The following WNK1 variants were observed in gnomAD, a reference collection of about 807,000 sequenced individuals.
WNK1 encodes WNK lysine deficient protein kinase 1.
Under a neutral mutation model 222.8 loss-of-function variants are expected in WNK1, and 38 were observed. The ratio of observed to expected loss-of-function variants is 0.17; its 90% CI spans 0.13 to 0.22. The LOEUF (loss-of-function observed/expected upper bound fraction) is 0.22. Ranked by LOEUF, WNK1 falls within the 10% of genes least tolerant of loss-of-function variation. The probability of loss-of-function intolerance (pLI) is 1.00; values close to 1 mark genes in which losing one functional copy is unlikely to be tolerated. For missense variants in WNK1, 2,348 were observed against 2,918.4 expected (o/e 0.80, Z 4.50); for synonymous variants, 1,090 against 1,092.9 (o/e 1.00, Z 0.05).
At chr12:805,253 AT>A (rs1331817497) in intron 1 of WNK1, among the ~76,000 whole-genome samples, 1 of 151,994 alleles carries the variant, frequency 6.6e-6, no homozygotes, top group African/African-American at 2.4e-5. Flanking sequence ...GTGCACGAGG[AT>A]TTCACTTTGT....
intron 26 of WNK1, chr12:901,769 C>A: frequency 2.5e-6 from 1 of 399,880 alleles, no homozygotes; most frequent in Non-Finnish European, 4.1e-6. Context: ...AGTGGCTTGG[C>A]TGAATTACTG....
rs71051382 is a variant in WNK1 at position 767,234 on chromosome 12, G to GTTTTTTTTTTTT, written c.759+12934_759+12945dup. Among the ~76,000 whole-genome samples the GTTTTTTTTTTTT allele has an allele frequency of 2.1e-4, 15 of 70,890 alleles. 1 individual carries two copies. The highest frequency in any genetic ancestry group is 8.2e-4 in the African/African-American group (13 of 15,768). 46.5% of individuals were successfully genotyped at this position (70,890 alleles called of 152,430 possible). On this transcript the variant is annotated intron_variant, in intron 1 of 27. Transcript: ENST00000315939. ...TGTGGCAGACTTTCTGGGTTGATAG[G>GTTTTTTTTTTTT]TTTTTTTTTTTTTTTTTTTTTTTTT...
intron 1 of WNK1, among the ~76,000 whole-genome samples, chr12:758,510 C>A (rs1940548087): frequency 7.0e-6 from 1 of 142,834 alleles, no homozygotes; most frequent in African/African-American, 2.5e-5. Context: ...GCCTCAGCCT[C>A]CCGAGTAGCT....
intron 6 of WNK1, among the ~76,000 whole-genome samples, chr12:860,684 T>C (rs72648677): frequency 1.3e-5 from 2 of 152,170 alleles, no homozygotes; most frequent in African/African-American, 4.8e-5. Context: ...GGAAATACAG[T>C]GAATAGAACA....
At chr12:760,580 A>G (rs1159042393) in intron 1 of WNK1, among the ~76,000 whole-genome samples, 2 of 147,806 alleles carry the variant, frequency 1.4e-5, no homozygotes, top group African/African-American at 4.9e-5. Flanking sequence ...ATTGTCACCT[A>G]TTACAAATGG....
intron 3 of WNK1, 178 bp from the exon 4 acceptor site, chr12:829,825 A>T: frequency 1.6e-6 from 1 of 638,964 alleles, no homozygotes. Context: ...ATCTTTTATG[A>T]GATATTTGAT....
Position 893,521 on chromosome 12 carries a change from C to A in WNK1, c.5510-1041C>A, listed in dbSNP as rs1446497872. On this transcript the variant is annotated intron_variant, in intron 22 of 27. Transcript: ENST00000315939. ...TTCCCCGGAAAGGTTTTTAAATTGC[C>A]CAAAACTAAATAATTCTGAGGGCTG... Among the ~76,000 whole-genome samples the A allele has an allele frequency of 2.0e-5, 3 of 151,996 alleles. No individual in the cohort carries two copies. In the East Asian group the frequency reaches 5.8e-4, roughly 29 times the overall value.
chr12:829,643 A>G (rs1198378142), intron 3 of WNK1, among the ~76,000 whole-genome samples: 2 of 152,182 alleles, frequency 1.3e-5, no homozygotes, highest in African/African-American at 4.8e-5. Context: ...TGTTCCTTGC[A>G]TAGTGTCTTT....
chr12:868,065 T>C lies in WNK1; in HGVS notation c.2140-3200T>C, dbSNP rs779851647. The C allele has an allele frequency of 1.9e-6, 3 of 1,614,022 alleles. No individual in the cohort carries two copies. The highest frequency in any genetic ancestry group is 2.5e-6 in the Non-Finnish European group (3 of 1,179,880). ...CACTTCCAACCCCTGCTGAGGACTG[T>C]TGGCCAAAGTCTTCTTCCACCTGGT... On this transcript the variant is annotated intron_variant, in intron 8 of 27. Transcript: ENST00000315939.
At chr12:889,650 C>G (rs1954014964) in intron 21 of WNK1, among the ~76,000 whole-genome samples, 7 of 152,044 alleles carry the variant, frequency 4.6e-5, no homozygotes, top group Admixed American at 4.6e-4. Flanking sequence ...AACCCCATCT[C>G]TAGTAAAAAT....
chr12:801,242 G>T (rs1386530758), intron 1 of WNK1, among the ~76,000 whole-genome samples: 1 of 152,206 alleles, frequency 6.6e-6, no homozygotes, highest in Non-Finnish European at 1.5e-5. Context: ...CTTCTTGAAT[G>T]ATATTAATGA....
In WNK1 at chr12:908,933, TA is replaced by T. The variant is rs1955919335; in HGVS notation, c.*142del. 1.1e-6 allele frequency: 1 copy of T among 948,892 alleles called. No individual in the cohort carries two copies. Among genetic ancestry groups the T allele is most frequent in the Non-Finnish European group, 1.6e-6 (1 of 623,158 alleles). The allele number at this position is 948,892 out of a possible 1,614,324, so 58.8% of individuals were successfully genotyped here. On this transcript the variant is annotated 3_prime_UTR_variant, in exon 28 of 28. Transcript: ENST00000315939. ...TCTTGCCAGAGGGGAATGTTTTTAA[TA>T]CTGCATTGAGCCCTCAGAATGGAGA...
In WNK1 at chr12:897,656, G is replaced by A; in HGVS notation, c.6423G>A (p.Leu2141=). The change falls in exon 25 of 28, where the codon TTG becomes TTA. Residue 2141 remains leucine (L), a synonymous_variant. Coordinates refer to ENST00000315939, the MANE Select transcript of WNK1 (RefSeq NM_018979.4). ...KGSKSSRSSS[L]GNKSPQLSGN... ...GCAAATCTAGTCGAAGCAGTTCCTT[G>A]GGGAATAAAAGCCCCCAGCTTTCAG... 6.2e-7 allele frequency: 1 copy of A among 1,614,198 alleles called. No homozygotes were observed. The highest frequency in any genetic ancestry group is 8.5e-7 in the Non-Finnish European group (1 of 1,180,034).
Position 827,544 on chromosome 12 carries a change from G to A in WNK1, c.1153+282G>A. 1.9e-6 allele frequency: 1 copy of A among 513,312 alleles called. No homozygotes were observed. The highest frequency in any genetic ancestry group is 3.5e-6 in the Non-Finnish European group (1 of 287,780). 31.8% of individuals were successfully genotyped at this position (513,312 alleles called of 1,614,324 possible). A position where few individuals can be genotyped will look rare whatever the true frequency, so the allele number is the denominator to read the frequency against. On this transcript the variant is annotated intron_variant, in intron 3 of 27. Coordinates refer to ENST00000315939, the MANE Select transcript of WNK1 (RefSeq NM_018979.4). This position sits in a 1 kb window ranked among gnomAD's most constrained non-coding sequence, Gnocchi z 4.6. ...TTTTGTTGTTGTTGTTGTTGTTGTT[G>A]TTGAGATGGAGTCTCTCTCTGTCAC...
chr12:778,084 G>T (rs1306443763), intron 1 of WNK1, among the ~76,000 whole-genome samples: 2 of 152,056 alleles, frequency 1.3e-5, no homozygotes, highest in African/African-American at 4.8e-5. Context: ...TCACCTAAAA[G>T]GGCTCATTTA....
chr12:804,179 C>G (rs1482865062), intron 1 of WNK1, among the ~76,000 whole-genome samples: 1 of 152,022 alleles, frequency 6.6e-6, no homozygotes, highest in Non-Finnish European at 1.5e-5. Flanking sequence ...ATCTCCCTGC[C>G]TCCCCTGTCC....
chr12:907,977 C>T lies in WNK1; in HGVS notation c.6774C>T (p.Ala2258=). ...DDLHKLVDNW[A]RDAMNLSGRR... is the part of the protein sequence containing the mutation. ...TGCACAAGTTGGTAGACAATTGGGC[C>T]CGAGATGCCATGAATCTCTCAGGCA... Residue 2258 remains alanine, a synonymous_variant, in exon 27 of 28, where the codon GCC becomes GCT. Coordinates refer to ENST00000315939, the MANE Select transcript of WNK1 (RefSeq NM_018979.4). 2 of 1,614,080 alleles carry T rather than the reference C, an allele frequency of 1.2e-6. No homozygotes were observed. Among genetic ancestry groups the T allele is most frequent in the Non-Finnish European group, 1.7e-6 (2 of 1,180,026 alleles).
chr12:769,203 GT>G (rs1942153362), intron 1 of WNK1, among the ~76,000 whole-genome samples: 1 of 150,266 alleles, frequency 6.7e-6, no homozygotes, highest in Admixed American at 6.7e-5. Flanking sequence ...GCTACCTTCC[GT>G]TTCCTTTTTT....
In WNK1 at chr12:897,607, G is replaced by A. The variant is rs757825668; in HGVS notation, c.6374G>A (p.Arg2125Gln). 9 of 1,614,008 alleles carry A rather than the reference G, an allele frequency of 5.6e-6. No homozygotes were observed. The highest frequency in any genetic ancestry group is 5.5e-5 in the South Asian group (5 of 91,068). Reference protein sequence around the residue: ...PPAAPLSGRRRRPTKSKGSKS... With the variant: ...PPAAPLSGRRQRPTKSKGSKS... ...GCTGCTCCCCTTTCAGGGAGAAGAC[G>A]ACGACCCACTAAAAGCAAAGGCAGC... The change falls in exon 25 of 28, where the codon CGA (arginine) becomes CAA (glutamine). Residue 2125 changes from arginine to glutamine, a missense_variant. Transcript: ENST00000315939.
Sources: allele counts gnomAD v4.1 joint callset (sites outside exome capture counted in the v4.1 genomes callset), GRCh38; gene constraint gnomAD v4.1.1; non-coding constraint Gnocchi (gnomAD v3.1); transcripts MANE v1.5; gene names NCBI Gene and HGNC (gene_info 2026-07-23, HGNC 2026-07-21).